RNF38: variants seen among roughly 807,000 people sequenced by gnomAD.
RNF38 encodes E3 ubiquitin-protein ligase RNF38.
RNF38 carries 15 observed loss-of-function variants against 67.2 expected under a neutral mutation model. The ratio of observed to expected loss-of-function variants is 0.22; its 90% CI spans 0.15 to 0.34. RNF38 has a LOEUF of 0.34. RNF38 is among the 10% of genes least tolerant of loss of function. The pLI, the probability that RNF38 is intolerant of heterozygous loss-of-function variation, is 1.00. For missense variants in RNF38, 524 were observed against 639.9 expected, an observed-to-expected ratio of 0.82 and a Z score of 1.95; for synonymous variants, 220 against 218.8, an observed-to-expected ratio of 1.01 and a Z score of -0.05.
intron 1 of RNF38, among the ~76,000 whole-genome samples, chr9:36,427,953 G>A (rs144566761): frequency 2.6e-5 from 4 of 150,978 alleles, no homozygotes; most frequent in African/African-American, 4.9e-5. Context: ...CAGGTGATCC[G>A]CTCACATTGG....
chr9:36,405,991 T>C (rs1456743672), upstream of RNF38, among the ~76,000 whole-genome samples: 1 of 152,232 alleles, frequency 6.6e-6, no homozygotes, highest in African/African-American at 2.4e-5. Flanking sequence ...AGGATCTTTT[T>C]ACAAAAAAGT....
At chr9:36,401,215 G>C (rs1838013927), upstream of RNF38, 3 of 983,726 alleles carry the variant, frequency 3.0e-6, no homozygotes, top group Non-Finnish European at 3.6e-6. Context: ...GGGCGGGGCG[G>C]GGCGGGGCTG....
chr9:36,369,293 T>A (rs1210929999), intron 4 of RNF38, among the ~76,000 whole-genome samples: 1 of 152,200 alleles, frequency 6.6e-6, no homozygotes, highest in Non-Finnish European at 1.5e-5. Flanking sequence ...AGTGCAGTGG[T>A]GCGATCTTGA....
chr9:36,390,451 G>A lies in RNF38; in HGVS notation c.162+16C>T. The A allele has an allele frequency of 6.2e-7, 1 of 1,608,370 alleles. No homozygotes were observed. Among genetic ancestry groups the A allele is most frequent in the Non-Finnish European group, 8.5e-7 (1 of 1,177,466 alleles). On this transcript the variant is annotated intron_variant, in intron 2 of 11. Coordinates refer to ENST00000259605, the MANE Select transcript of RNF38 (RefSeq NM_022781.5). Reference sequence around the variant, plus strand: ...ACTTTCAGCCCTATGTAGGGAAAGGGTAAATATATAAGAACCTGGAAGAAA... The same window carrying A: ...ACTTTCAGCCCTATGTAGGGAAAGGATAAATATATAAGAACCTGGAAGAAA...
intron 9 of RNF38, among the ~76,000 whole-genome samples, chr9:36,350,187 G>A (rs752910999): frequency 2.6e-5 from 4 of 152,192 alleles, no homozygotes; most frequent in Non-Finnish European, 5.9e-5. Flanking sequence ...TCAAAAACTG[G>A]TTGACTGTTG....
Position 36,356,429 on chromosome 9 carries a change from A to G in RNF38, c.783T>C (p.Ala261=). Residue 261 remains alanine, a synonymous_variant, in exon 6 of 12, where the codon GCT becomes GCC. Coordinates refer to ENST00000259605, the MANE Select transcript of RNF38 (RefSeq NM_022781.5). The stretch of plus-strand genomic sequence containing the variant: ...CACTAGAAATAAGGGGTGGGAATGC[A>G]GCATATGGTACTGGTAAGTGCTGAA... ...CSVQHLPVPY[A]AFPPLISSDP... is the part of the protein sequence containing the mutation. The G allele has an allele frequency of 6.2e-7, 1 of 1,613,672 alleles. No homozygotes were observed. Among genetic ancestry groups the G allele is most frequent in the Admixed American group, 1.7e-5 (1 of 59,992 alleles).
intron 4 of RNF38, among the ~76,000 whole-genome samples, chr9:36,367,081 C>T (rs529567743): frequency 5.9e-5 from 9 of 152,224 alleles, no homozygotes; most frequent in East Asian, 1.9e-4. Context: ...TGGTATTTTA[C>T]GCAGGAAGGG....
chr9:36,439,790 CAAAAAAAAA>C (rs1156589143), intron 1 of RNF38, among the ~76,000 whole-genome samples: 1 of 76,352 alleles, frequency 1.3e-5, no homozygotes. Context: ...GACTCTGTCT[CAAAAAAAAA>C]AAAAAAAAAA....
At chr9:36,446,424 T>G (rs1026340467) in intron 1 of RNF38, among the ~76,000 whole-genome samples, 1 of 152,134 alleles carries the variant, frequency 6.6e-6, no homozygotes, top group Non-Finnish European at 1.5e-5. Context: ...CACAAGAAAA[T>G]TTGGGACAAG....
At chr9:36,483,447 G>C (rs1291659371) in intron 1 of RNF38, among the ~76,000 whole-genome samples, 2 of 151,554 alleles carry the variant, frequency 1.3e-5, no homozygotes, top group South Asian at 4.1e-4. Context: ...TCCAGATAGA[G>C]GAACCTTAAC....
intron 1 of RNF38, among the ~76,000 whole-genome samples, chr9:36,485,987 A>C (rs1209539124): frequency 6.6e-6 from 1 of 152,188 alleles, no homozygotes; most frequent in African/African-American, 2.4e-5. Context: ...CAACCTTGTA[A>C]GCTACCATCC....
At chr9:36,482,521 T>C (rs1482000074) in intron 1 of RNF38, among the ~76,000 whole-genome samples, 4 of 150,842 alleles carry the variant, frequency 2.7e-5, no homozygotes, top group Non-Finnish European at 5.9e-5. Flanking sequence ...CCCAGCTAAT[T>C]TTTCTATTGT....
rs549559098 is a variant in RNF38 at position 36,414,687 on chromosome 9, C to CAA, written n.312+9924_312+9925dup. Among the ~76,000 whole-genome samples, 230 of 70,036 alleles carry CAA rather than the reference C, an allele frequency of 3.3e-3. 1 individual carries two copies. Among genetic ancestry groups the CAA allele is most frequent in the African/African-American group, 8.8e-3 (194 of 22,016 alleles). The allele number at this position is 70,036 out of a possible 152,430, so 45.9% of individuals were successfully genotyped here. A position where few individuals can be genotyped will look rare whatever the true frequency, so the allele number is the denominator to read the frequency against. ...GGCAACGAGAGCGAAACTCTGTCTC[C>CAA]AAAAAAAAAAAAAAAAAAAGATTTA... On this transcript the variant is annotated intron_variant and non_coding_transcript_variant, in intron 2 of 3. Coordinates refer to the RNF38 transcript ENST00000488058.
chr9:36,400,540 G>A (rs1587618813), upstream of RNF38: 4 of 990,060 alleles, frequency 4.0e-6, no homozygotes, highest in South Asian at 1.4e-4. Flanking sequence ...GCCAACGGCC[G>A]CGGCGGCCAG....
intron 1 of RNF38, among the ~76,000 whole-genome samples, chr9:36,441,383 A>G (rs1225903365): frequency 6.6e-6 from 1 of 151,252 alleles, no homozygotes; most frequent in Non-Finnish European, 1.5e-5. Flanking sequence ...CTAGAGTGCA[A>G]TGGCATGATC....
At chr9:36,354,126 C>T (rs1833912550) in intron 6 of RNF38, among the ~76,000 whole-genome samples, 1 of 152,096 alleles carries the variant, frequency 6.6e-6, no homozygotes, top group Non-Finnish European at 1.5e-5. Flanking sequence ...TTTCATCAGC[C>T]CAAAAAGAAA....
At chr9:36,406,066 C>A (rs753110339), upstream of RNF38, among the ~76,000 whole-genome samples, 13 of 152,190 alleles carry the variant, frequency 8.5e-5, no homozygotes, top group Admixed American at 6.5e-4. Flanking sequence ...CACCTTACAG[C>A]GTTTATCAAA....
chr9:36,374,456 T>G (rs1301766986), intron 3 of RNF38, among the ~76,000 whole-genome samples: 2 of 152,184 alleles, frequency 1.3e-5, no homozygotes, highest in Non-Finnish European at 2.9e-5. Flanking sequence ...CACTGTCTCC[T>G]CATATGGTGG....
chr9:36,360,039 C>G (rs1430941421), intron 4 of RNF38, among the ~76,000 whole-genome samples: 2 of 152,080 alleles, frequency 1.3e-5, no homozygotes, highest in African/African-American at 4.8e-5. Context: ...GCCACCGTGC[C>G]TGACCTATAT....
Sources: gnomAD v4.1 joint callset for allele counts (sites outside exome capture counted in the v4.1 genomes callset) on GRCh38, gnomAD v4.1.1 for gene constraint, MANE v1.5 for transcripts, NCBI Gene and HGNC (gene_info 2026-07-23, HGNC 2026-07-21) for gene names.